Variants in CNBD1 observed in about 807,000 individuals in gnomAD.
CNBD1 encodes the protein cyclic nucleotide binding domain containing 1.
CNBD1 carries 71 observed loss-of-function variants against 54.4 expected under a neutral mutation model. The ratio of observed to expected loss-of-function variants is 1.30; its 90% CI spans 1.08 to 1.59. The LOEUF is 1.59. Ranked by LOEUF, CNBD1 falls within the 40% of genes most tolerant of loss-of-function variation. The pLI is 0.00. For synonymous variants in CNBD1, 182 were observed against 170.7 expected, an observed-to-expected ratio of 1.07 and a Z score of -0.51; for missense variants, 659 against 518.0, an observed-to-expected ratio of 1.27 and a Z score of -2.64.
intron 2 of CNBD1, among the ~76,000 whole-genome samples, chr8:87,412,740 T>G (rs1329202123): frequency 1.3e-5 from 2 of 152,208 alleles, no homozygotes; most frequent in East Asian, 1.9e-4. Context: ...CTGTGACATG[T>G]ACTTTTCCGA....
downstream of CNBD1, among the ~76,000 whole-genome samples, chr8:87,384,021 A>G (rs1811139038): frequency 6.6e-6 from 1 of 152,014 alleles, no homozygotes; most frequent in South Asian, 2.1e-4. Flanking sequence ...TGAAAATAAG[A>G]TTTTAAAAAG....
intron 4 of CNBD1, among the ~76,000 whole-genome samples, chr8:87,111,462 G>T (rs1207810865): frequency 6.6e-6 from 1 of 152,198 alleles, no homozygotes; most frequent in East Asian, 1.9e-4. Context: ...TTCTCAGTGT[G>T]TACTTACCTT....
intron 4 of CNBD1, among the ~76,000 whole-genome samples, chr8:87,061,193 C>T (rs1486767660): frequency 2.0e-5 from 3 of 152,230 alleles, no homozygotes; most frequent in Admixed American, 1.3e-4. Flanking sequence ...GCTCAACACT[C>T]ACCAATCGGT....
At chr8:86,938,368 G>A (rs570140100) in intron 3 of CNBD1, among the ~76,000 whole-genome samples, 11 of 152,182 alleles carry the variant, frequency 7.2e-5, no homozygotes, top group African/African-American at 1.7e-4. Flanking sequence ...ACCCAGTTCC[G>A]AAGTCACTTC....
intron 6 of CNBD1, among the ~76,000 whole-genome samples, chr8:87,249,385 C>G (rs1443626498): frequency 2.0e-5 from 3 of 152,052 alleles, no homozygotes; most frequent in African/African-American, 7.2e-5. Context: ...TGGCCTGATT[C>G]TTAACAGGCC....
intron 6 of CNBD1, among the ~76,000 whole-genome samples, chr8:87,278,467 T>A (rs545705949): frequency 7.3e-5 from 11 of 151,698 alleles, no homozygotes; most frequent in African/African-American, 2.7e-4. Flanking sequence ...TTTAATGAAC[T>A]CGTAACAAAT....
At chr8:87,053,909 CTCTT>C (rs1436519633) in intron 4 of CNBD1, among the ~76,000 whole-genome samples, 1 of 152,186 alleles carries the variant, frequency 6.6e-6, no homozygotes, top group Non-Finnish European at 1.5e-5. Flanking sequence ...CATAAAACCC[CTCTT>C]TCTTTTAGAT....
intron 4 of CNBD1, among the ~76,000 whole-genome samples, chr8:87,084,973 C>T (rs957462260): frequency 1.3e-5 from 2 of 152,244 alleles, no homozygotes; most frequent in East Asian, 3.9e-4. Context: ...TACGCCCAGC[C>T]GTATTTAGTT....
At chr8:86,888,927 A>G (rs148835447) in intron 2 of CNBD1, among the ~76,000 whole-genome samples, 24 of 152,084 alleles carry the variant, frequency 1.6e-4, no homozygotes, top group Non-Finnish European at 2.2e-4. Context: ...CTCTCAAAGT[A>G]TCCCCTCTAA....
At chr8:87,311,748 T>A (rs1809270615) in intron 8 of CNBD1, among the ~76,000 whole-genome samples, 1 of 152,098 alleles carries the variant, frequency 6.6e-6, no homozygotes, top group Non-Finnish European at 1.5e-5. Context: ...ATATATACCA[T>A]GAAATAGTAT....
At chr8:87,232,695 C>A (rs185185540) in intron 5 of CNBD1, among the ~76,000 whole-genome samples, 1 of 151,994 alleles carries the variant, frequency 6.6e-6, no homozygotes. Context: ...TTGTAGCTTG[C>A]GATATAATTT....
At chr8:87,214,184 A>T (rs937763285) in intron 5 of CNBD1, among the ~76,000 whole-genome samples, 4 of 152,094 alleles carry the variant, frequency 2.6e-5, no homozygotes, top group Admixed American at 2.6e-4. Flanking sequence ...CAGAATGCAA[A>T]TTTTTTGAAT....
At chr8:87,427,476 G>C (rs1405187714) in intron 2 of CNBD1, among the ~76,000 whole-genome samples, 1 of 152,058 alleles carries the variant, frequency 6.6e-6, no homozygotes, top group African/African-American at 2.4e-5. Flanking sequence ...AAAAGTATTA[G>C]CGCTTTCATC....
intron 4 of CNBD1, among the ~76,000 whole-genome samples, chr8:86,944,377 A>G (rs1367051569): frequency 1.3e-5 from 2 of 152,176 alleles, no homozygotes; most frequent in Non-Finnish European, 2.9e-5. Flanking sequence ...GAGATACTAA[A>G]CACATATGTA....
At chr8:87,126,147 G>A (rs964565580) in intron 4 of CNBD1, among the ~76,000 whole-genome samples, 6 of 151,884 alleles carry the variant, frequency 4.0e-5, no homozygotes, top group Admixed American at 3.3e-4. Flanking sequence ...TCATGAACAA[G>A]TCTATTTAAA....
intron 8 of CNBD1, among the ~76,000 whole-genome samples, chr8:87,295,169 C>T (rs1248694935): frequency 6.6e-6 from 1 of 151,732 alleles, no homozygotes; most frequent in East Asian, 1.9e-4. Flanking sequence ...TAATTTACCT[C>T]ATAACTATTA....
At chr8:87,134,457 G>C (rs559272126) in intron 4 of CNBD1, among the ~76,000 whole-genome samples, 1 of 151,882 alleles carries the variant, frequency 6.6e-6, no homozygotes, top group South Asian at 2.1e-4. Flanking sequence ...TAAGTTCTGC[G>C]TTTCTAATTT....
chr8:86,924,359 A>G (rs1563823614), intron 3 of CNBD1, among the ~76,000 whole-genome samples: 1 of 152,132 alleles, frequency 6.6e-6, no homozygotes, highest in Non-Finnish European at 1.5e-5. Flanking sequence ...GAATGTGGAA[A>G]TGGGGTTGAA....
At chr8:87,189,553 G>C (rs1813554477) in intron 4 of CNBD1, among the ~76,000 whole-genome samples, 1 of 151,994 alleles carries the variant, frequency 6.6e-6, no homozygotes, top group South Asian at 2.1e-4. Context: ...ACAACAAAAG[G>C]AAGCATGTAA....
Sources: gnomAD v4.1 joint callset for allele counts (sites outside exome capture counted in the v4.1 genomes callset) on GRCh38, gnomAD v4.1.1 for gene constraint, MANE v1.5 for transcripts, NCBI Gene and HGNC (gene_info 2026-07-23, HGNC 2026-07-21) for gene names.